DNAJC1: variants seen among roughly 807,000 people sequenced by gnomAD.
DNAJC1 encodes DnaJ heat shock protein family (Hsp40) member C1.
Under a neutral mutation model 76.6 loss-of-function variants are expected in DNAJC1, and 58 were observed. The observed-to-expected ratio is 0.76, with a 90% CI of 0.61 to 0.94. The LOEUF (loss-of-function observed/expected upper bound fraction) is 0.94, where lower values mean the gene tolerates loss of function less well. Among genes scored for constraint, DNAJC1 ranks in the 40% least tolerant of loss-of-function variants. The probability of loss-of-function intolerance (pLI) is 0.00; values close to 1 mark genes in which losing one functional copy is unlikely to be tolerated. For missense variants in DNAJC1, 689 were observed against 677.3 expected (o/e 1.02, Z -0.19); for synonymous variants, 258 against 267.9 (o/e 0.96, Z 0.36).
At chr10:21,816,320 A>G (rs1027441784) in intron 8 of DNAJC1, among the ~76,000 whole-genome samples, 1 of 151,938 alleles carries the variant, frequency 6.6e-6, no homozygotes, top group Non-Finnish European at 1.5e-5. Flanking sequence ...AGATCGTGCC[A>G]CTGCGCTCCA....
chr10:21,876,444 T>A (rs1288110920), intron 8 of DNAJC1, among the ~76,000 whole-genome samples: 2 of 152,148 alleles, frequency 1.3e-5, no homozygotes, highest in African/African-American at 2.4e-5. Context: ...AATTAATGGA[T>A]CTATTTATGG....
intron 10 of DNAJC1, among the ~76,000 whole-genome samples, chr10:21,760,572 G>T (rs887988357): frequency 1.3e-5 from 2 of 152,236 alleles, no homozygotes; most frequent in African/African-American, 2.4e-5. Context: ...CGTGGGAGCA[G>T]AAACTGGCCC....
chr10:21,929,527 T>C (rs1274828519), intron 1 of DNAJC1, among the ~76,000 whole-genome samples: 4 of 152,190 alleles, frequency 2.6e-5, no homozygotes, highest in East Asian at 3.8e-4. Context: ...TACTGGCAAA[T>C]GTTAAAGCCA....
intron 1 of DNAJC1, among the ~76,000 whole-genome samples, chr10:21,979,886 T>C (rs1040894067): frequency 2.0e-5 from 3 of 152,126 alleles, no homozygotes; most frequent in African/African-American, 7.2e-5. Context: ...CCTATGACTT[T>C]TGCAGTCATA....
chr10:21,831,777 G>A (rs530414262), intron 8 of DNAJC1, among the ~76,000 whole-genome samples: 57 of 127,002 alleles, frequency 4.5e-4, no homozygotes, highest in Admixed American at 2.0e-3. Context: ...GCGACAGAGC[G>A]AGACTCCATC....
chr10:21,920,818 TTGACC>T lies in DNAJC1; in HGVS notation c.512_516del (p.Trp171TyrfsTer9), dbSNP rs1564827673. 16 of 1,610,982 alleles carry T rather than the reference TTGACC, an allele frequency of 9.9e-6. No homozygotes were observed. Among genetic ancestry groups the T allele is most frequent in the Non-Finnish European group, 1.4e-5 (16 of 1,178,154 alleles). On this transcript the variant is annotated frameshift_variant, in exon 4 of 12. Transcript: ENST00000376980. LOFTEE classifies it high-confidence loss of function. ...CTTACCAGTTGTTTTTCCAGGTAGA[TTGACC>T]AAACCACAGCATAATGACCCACTGT...
At chr10:21,994,127 C>T (rs529567958) in intron 1 of DNAJC1, among the ~76,000 whole-genome samples, 2 of 152,212 alleles carry the variant, frequency 1.3e-5, no homozygotes, top group South Asian at 4.1e-4. Context: ...AGTATTTATC[C>T]GAGCTTGCTA....
intron 1 of DNAJC1, among the ~76,000 whole-genome samples, chr10:21,979,459 G>T (rs1018306103): frequency 1.3e-5 from 2 of 151,970 alleles, no homozygotes; most frequent in Non-Finnish European, 2.9e-5. Context: ...AGATTTAATT[G>T]ATTTTTTAAA....
intron 8 of DNAJC1, among the ~76,000 whole-genome samples, chr10:21,831,517 G>A (rs1796197289): frequency 6.6e-6 from 1 of 152,166 alleles, no homozygotes; most frequent in Non-Finnish European, 1.5e-5. Flanking sequence ...CTGGCCGGGT[G>A]CAGTGGCTTG....
At chr10:21,795,148 AT>A (rs1834737451) in intron 9 of DNAJC1, among the ~76,000 whole-genome samples, 1 of 152,200 alleles carries the variant, frequency 6.6e-6, no homozygotes, top group African/African-American at 2.4e-5. Context: ...TTATGAATAG[AT>A]ATTTCACTAA....
At chr10:21,976,503 T>C (rs1305262104) in intron 1 of DNAJC1, among the ~76,000 whole-genome samples, 1 of 152,190 alleles carries the variant, frequency 6.6e-6, no homozygotes, top group Non-Finnish European at 1.5e-5. Flanking sequence ...ACATGCCACA[T>C]CTTCTTCTGG....
chr10:21,904,588 A>G lies in DNAJC1; in HGVS notation c.754T>C (p.Tyr252His), dbSNP rs1326434625. The change falls in exon 7 of 12, where the codon TAT becomes CAT. Residue 252 changes from tyrosine to histidine, a missense_variant. Physicochemically the swap from Tyr to His is moderately conservative, Grantham distance 83. Transcript: ENST00000376980. ...IQDAGQFYAK[Y>H]KETRLKEKED... is the part of the protein sequence containing the mutation. ...TTTTCCTTCAATCTTGTTTCTTTAT[A>G]TTTAGCATAAAACTGCCCAGCATCC... is the stretch of plus-strand genomic sequence containing the variant. 2 of 1,606,560 alleles carry G rather than the reference A, an allele frequency of 1.2e-6. No individual in the cohort carries two copies. Among genetic ancestry groups the G allele is most frequent in the South Asian group, 1.1e-5 (1 of 89,170 alleles).
At position 21,802,310 on chromosome 10, in the gene DNAJC1, A is replaced by T. The variant is rs549080270; in HGVS notation, c.1098+3670T>A. Among the ~76,000 whole-genome samples, 6 of 152,114 alleles carry T rather than the reference A, an allele frequency of 3.9e-5. No homozygotes were observed. In the East Asian group the frequency reaches 1.2e-3, roughly 29 times the overall value. On this transcript the variant is annotated intron_variant, in intron 9 of 11. Coordinates refer to ENST00000376980, the MANE Select transcript of DNAJC1 (RefSeq NM_022365.4). ...TATAATTTTGTGTAGGGCTGGCCTGACTCTAAAAGTAATAACAATATATTT... is the reference window on the plus strand; with the variant it reads ...TATAATTTTGTGTAGGGCTGGCCTGTCTCTAAAAGTAATAACAATATATTT...
At chr10:21,824,914 A>G (rs1835221973) in intron 8 of DNAJC1, among the ~76,000 whole-genome samples, 2 of 152,084 alleles carry the variant, frequency 1.3e-5, no homozygotes, top group African/African-American at 4.8e-5. Context: ...AGCTGGGATT[A>G]TAGGTGCCCA....
At chr10:21,868,845 C>A (rs1162529128) in intron 8 of DNAJC1, among the ~76,000 whole-genome samples, 1 of 151,964 alleles carries the variant, frequency 6.6e-6, no homozygotes, top group Non-Finnish European at 1.5e-5. Context: ...ATTATACCCT[C>A]CTCCCTTTGG....
chr10:21,868,649 C>T (rs1836049939), intron 8 of DNAJC1, among the ~76,000 whole-genome samples: 1 of 151,892 alleles, frequency 6.6e-6, no homozygotes, highest in South Asian at 2.1e-4. Context: ...CTCAAAATGA[C>T]AAAACTGTAG....
Position 21,869,055 on chromosome 10 carries a change from G to A in DNAJC1, c.978+13227C>T, listed in dbSNP as rs903217095. Among the ~76,000 whole-genome samples the A allele has an allele frequency of 4.6e-5, 7 of 151,834 alleles. 1 individual carries two copies. The highest frequency in any genetic ancestry group is 1.7e-4 in the African/African-American group (7 of 41,252). On this transcript the variant is annotated intron_variant, in intron 8 of 11. Transcript: ENST00000376980. ...CTTTTTGTAGTGGCCCTACAAAGCC[G>A]TCTCTTGTGGGGAAAATTTGTATTC...
In DNAJC1 at chr10:21,805,971, T is replaced by G; in HGVS notation, c.1098+9A>C. On this transcript the variant is annotated intron_variant, in intron 9 of 11. Coordinates refer to ENST00000376980, the MANE Select transcript of DNAJC1 (RefSeq NM_022365.4). ...TCTCTCTATACAATGCAAATCTCAG[T>G]GAACTCACATCTGTCACAGATCGAC... 6.2e-7 allele frequency: 1 copy of G among 1,611,400 alleles called. No individual in the cohort carries two copies. Among genetic ancestry groups the G allele is most frequent in the South Asian group, 1.1e-5 (1 of 90,956 alleles).
At chr10:21,782,834 T>C (rs1453293973) in intron 9 of DNAJC1, among the ~76,000 whole-genome samples, 1 of 152,196 alleles carries the variant, frequency 6.6e-6, no homozygotes, top group Non-Finnish European at 1.5e-5. Flanking sequence ...AGAAAGGCCT[T>C]TGACAAAATT....
Sources: allele counts gnomAD v4.1 joint callset (sites outside exome capture counted in the v4.1 genomes callset), GRCh38; gene constraint gnomAD v4.1.1; transcripts MANE v1.5; gene names NCBI Gene and HGNC (gene_info 2026-07-23, HGNC 2026-07-21).